KIAA1328: variants seen among roughly 807,000 people sequenced by gnomAD.
KIAA1328 encodes KIAA1328, also known as protein hinderin.
Under a neutral mutation model 68.1 loss-of-function variants are expected in KIAA1328, and 52 were observed. The ratio of observed to expected loss-of-function variants is 0.76; its 90% CI spans 0.61 to 0.96. KIAA1328 has a LOEUF of 0.96. Among genes scored for constraint, KIAA1328 ranks in the 40% least tolerant of loss-of-function variants. The pLI is 0.00. For missense variants in KIAA1328, 641 were observed against 677.6 expected (o/e 0.95, Z 0.60); for synonymous variants, 232 against 239.4 (o/e 0.97, Z 0.28).
intron 5 of KIAA1328, among the ~76,000 whole-genome samples, chr18:36,945,319 T>C (rs956610626): frequency 6.6e-6 from 1 of 152,264 alleles, no homozygotes; most frequent in Non-Finnish European, 1.5e-5. Flanking sequence ...TTAAGAACCA[T>C]TGAAGTAAAG....
intron 6 of KIAA1328, among the ~76,000 whole-genome samples, chr18:37,056,227 T>G (rs536774838): frequency 4.0e-4 from 61 of 152,372 alleles, no homozygotes; most frequent in African/African-American, 1.4e-3. Context: ...TGTACATGTG[T>G]ATGTGTGCAT....
chr18:37,084,423 C>A, intron 7 of KIAA1328: 2 of 322,200 alleles, frequency 6.2e-6, no homozygotes, highest in Admixed American at 4.9e-5. Context: ...CATAATCCTA[C>A]AACTTTGAGA....
At chr18:37,070,108 A>G (rs1483866496) in intron 7 of KIAA1328, among the ~76,000 whole-genome samples, 1 of 152,048 alleles carries the variant, frequency 6.6e-6, no homozygotes, top group Non-Finnish European at 1.5e-5. Flanking sequence ...TGTTATATTT[A>G]GTTTCCAAGT....
intron 4 of KIAA1328, among the ~76,000 whole-genome samples, chr18:36,866,911 T>C (rs928071036): frequency 1.3e-5 from 2 of 152,212 alleles, no homozygotes; most frequent in African/African-American, 4.8e-5. Flanking sequence ...GTTTCAACTG[T>C]TGTGCACATC....
chr18:36,871,035 C>A (rs1191683615), intron 4 of KIAA1328, among the ~76,000 whole-genome samples: 1 of 152,144 alleles, frequency 6.6e-6, no homozygotes, highest in Non-Finnish European at 1.5e-5. Context: ...TGTATTTTCC[C>A]GTCAACATGA....
chr18:37,066,599 ACT>A (rs952115561), intron 6 of KIAA1328, among the ~76,000 whole-genome samples: 3 of 152,032 alleles, frequency 2.0e-5, no homozygotes, highest in East Asian at 3.9e-4. Context: ...ACTTTATGTA[ACT>A]CTCTTTATTT....
At chr18:37,153,338 C>A (rs1184866560) in intron 7 of KIAA1328, among the ~76,000 whole-genome samples, 1 of 152,094 alleles carries the variant, frequency 6.6e-6, no homozygotes, top group Non-Finnish European at 1.5e-5. Context: ...GGGCAACAAA[C>A]CTTGGGTATT....
intron 7 of KIAA1328, among the ~76,000 whole-genome samples, chr18:37,116,783 A>G (rs181192076): frequency 6.6e-6 from 1 of 152,376 alleles, no homozygotes; most frequent in East Asian, 1.9e-4. Flanking sequence ...CCTAATATCT[A>G]GAATCTACAA....
intron 6 of KIAA1328, among the ~76,000 whole-genome samples, chr18:36,999,674 C>T (rs957592954): frequency 6.6e-6 from 1 of 152,032 alleles, no homozygotes; most frequent in African/African-American, 2.4e-5. Context: ...CTGTATCCAG[C>T]AAAATTAGTC....
intron 6 of KIAA1328, among the ~76,000 whole-genome samples, chr18:37,018,469 C>A (rs969835567): frequency 6.6e-6 from 1 of 152,108 alleles, no homozygotes; most frequent in African/African-American, 2.4e-5. Flanking sequence ...ATAGTATCTT[C>A]CAGGTGATCT....
At chr18:36,829,594 A>C (rs1438109487) in intron 1 of KIAA1328, among the ~76,000 whole-genome samples, 1 of 152,340 alleles carries the variant, frequency 6.6e-6, no homozygotes, top group Non-Finnish European at 1.5e-5. Flanking sequence ...TTGGCTGGAC[A>C]GGGAGCCTTT....
intron 4 of KIAA1328, among the ~76,000 whole-genome samples, chr18:36,865,852 T>C (rs1186259344): frequency 6.6e-6 from 1 of 152,162 alleles, no homozygotes; most frequent in Non-Finnish European, 1.5e-5. Context: ...CACTGCTTTG[T>C]GGTCATGTCC....
At chr18:36,973,254 C>A (rs140214907) in intron 6 of KIAA1328, among the ~76,000 whole-genome samples, 28 of 151,342 alleles carry the variant, frequency 1.9e-4, no homozygotes, top group African/African-American at 6.3e-4. Context: ...TGTTCTCACT[C>A]ATAGGTGGGA....
At chr18:37,087,715 TG>T (rs1487405927) in intron 7 of KIAA1328, among the ~76,000 whole-genome samples, 1 of 152,174 alleles carries the variant, frequency 6.6e-6, no homozygotes, top group Non-Finnish European at 1.5e-5. Flanking sequence ...TCTCTTGGGA[TG>T]ATCAGTTTCC....
intron 7 of KIAA1328, 135 bp downstream of exon 7, chr18:37,067,680 C>T: frequency 1.1e-6 from 1 of 934,154 alleles, no homozygotes; most frequent in Non-Finnish European, 1.5e-6. Context: ...CTGCCTCAGC[C>T]TCCCGAGTAG....
At chr18:37,093,217 A>G (rs2057314382) in intron 7 of KIAA1328, among the ~76,000 whole-genome samples, 1 of 152,244 alleles carries the variant, frequency 6.6e-6, no homozygotes, top group Non-Finnish European at 1.5e-5. Flanking sequence ...ACAGATATCA[A>G]TATAAGGACA....
chr18:37,209,263 C>T (rs574090243), intron 9 of KIAA1328, among the ~76,000 whole-genome samples: 9 of 152,244 alleles, frequency 5.9e-5, no homozygotes, highest in East Asian at 1.9e-4. Flanking sequence ...AAGTTGCCCA[C>T]GGAAGGTGCT....
At chr18:37,087,615 A>G (rs1184444966) in intron 7 of KIAA1328, among the ~76,000 whole-genome samples, 2 of 152,200 alleles carry the variant, frequency 1.3e-5, no homozygotes, top group Non-Finnish European at 2.9e-5. Context: ...CTCTCAGTAT[A>G]TTATGAACAG....
chr18:37,037,344 C>A (rs953351017), intron 6 of KIAA1328, among the ~76,000 whole-genome samples: 2 of 152,168 alleles, frequency 1.3e-5, no homozygotes, highest in African/African-American at 4.8e-5. Flanking sequence ...GTACCAGAGG[C>A]CATAAGGGTT....
Sources: allele counts gnomAD v4.1 joint callset (sites outside exome capture counted in the v4.1 genomes callset), GRCh38; gene constraint gnomAD v4.1.1; transcripts MANE v1.5; gene names NCBI Gene and HGNC (gene_info 2026-07-23, HGNC 2026-07-21).